NUTM1: variants seen among roughly 807,000 people sequenced by gnomAD.
NUTM1 encodes NUT family member 1.
In NUTM1, 39 loss-of-function variants were observed where a neutral mutation model predicts 88.7. That is an observed-to-expected ratio of 0.44 (90% CI 0.34 to 0.57). The LOEUF (loss-of-function observed/expected upper bound fraction) is 0.57, where lower values mean the gene tolerates loss of function less well. Among genes scored for constraint, NUTM1 ranks in the 20% least tolerant of loss-of-function variants. The pLI is 0.01. For synonymous variants in NUTM1, 494 were observed against 538.0 expected (o/e 0.92, Z 1.13); for missense variants, 1,350 against 1,414.5 (o/e 0.95, Z 0.73).
In NUTM1 at chr15:34,348,431, C is replaced by G. The variant is rs1019565523; in HGVS notation, c.563C>G (p.Pro188Arg). 6.2e-7 allele frequency: 1 copy of G among 1,614,038 alleles called. No homozygotes were observed. The highest frequency in any genetic ancestry group is 1.3e-5 in the African/African-American group (1 of 74,936). Residue 188 changes from proline (P) to arginine (R), a missense_variant, in exon 3 of 8, where the codon CCT becomes CGT. By Grantham distance (103) the Pro-to-Arg change is moderately radical. This residue lies in a region of NUTM1 where 399 missense variants were observed against 397.9 expected (regional missense o/e 1.00). Coordinates refer to ENST00000537011, the MANE Select transcript of NUTM1 (RefSeq NM_001284292.2). ...CAGGAGGGTCCTCCAGGCCTTCCGCCTCAGCCTCCACCACCAGTTGCTCAA... is the reference window on the plus strand; with the variant it reads ...CAGGAGGGTCCTCCAGGCCTTCCGCGTCAGCCTCCACCACCAGTTGCTCAA... ...VSQEGPPGLP[P>R]QPPPPVAQLV... is the part of the protein sequence containing the mutation.
chr15:34,345,697 A>G (rs1016569638), intron 1 of NUTM1, among the ~76,000 whole-genome samples: 2 of 152,212 alleles, frequency 1.3e-5, no homozygotes, highest in African/African-American at 4.8e-5. Context: ...TGGGAATCTG[A>G]GAAAAAGTTT....
chr15:34,353,060 C>T (rs112596312), intron 4 of NUTM1, among the ~76,000 whole-genome samples: 6,187 of 151,228 alleles, frequency 0.041, 312 homozygotes, highest in African/African-American at 0.12. Flanking sequence ...TAATTTTGTG[C>T]ATTTTTAGTA....
In NUTM1 at chr15:34,343,500, T is replaced by A; in HGVS notation, c.-197T>A. On this transcript the variant is annotated 5_prime_UTR_variant, in exon 1 of 8. Coordinates refer to ENST00000537011, the MANE Select transcript of NUTM1 (RefSeq NM_001284292.2). ...TTTACCCTAGGGAAGAAAGAAGAGG[T>A]TTTCTTCCCTCCCCTCTTTTACATC... 7.8e-7 allele frequency: 1 copy of A among 1,287,830 alleles called. No homozygotes were observed. The highest frequency in any genetic ancestry group is 1.1e-6 in the Non-Finnish European group (1 of 945,322). The allele number at this position is 1,287,830 out of a possible 1,614,324, so 79.8% of individuals were successfully genotyped here.
rs1369824488 is a variant in NUTM1, at chr15:34,343,587, C to G, written c.-110C>G. On this transcript the variant is annotated 5_prime_UTR_variant, in exon 1 of 8. Coordinates refer to ENST00000537011, the MANE Select transcript of NUTM1 (RefSeq NM_001284292.2). ...AGAATGCATGTTGAGTATCAATATT[C>G]CGTAAAGCGAAAGAGCGTAAAGTTA... 4 of 1,534,604 alleles carry G rather than the reference C, an allele frequency of 2.6e-6. No individual in the cohort carries two copies. In the Admixed American group the frequency reaches 5.9e-5, roughly 23 times the overall value.
chr15:34,350,060 G>A (rs868266592), intron 3 of NUTM1, among the ~76,000 whole-genome samples: 9 of 152,150 alleles, frequency 5.9e-5, no homozygotes, highest in Admixed American at 2.0e-4. Context: ...TTCCCCAAGC[G>A]ATTCTGATGC....
At position 34,348,667 on chromosome 15, in the gene NUTM1, T is replaced by C; in HGVS notation, c.799T>C (p.Cys267Arg). The C allele has an allele frequency of 1.3e-6, 2 of 1,599,032 alleles. No individual in the cohort carries two copies. The highest frequency in any genetic ancestry group is 2.2e-5 in the East Asian group (1 of 44,866). ...GAGTCCTGACACAGAAGCTCTTTCCTGTTTTCTTATGTAAGTGGGGAGACC... is the reference window on the plus strand; with the variant it reads ...GAGTCCTGACACAGAAGCTCTTTCCCGTTTTCTTATGTAAGTGGGGAGACC... The part of the protein sequence containing the change: ...SQSPDTEALS[C>R]FLIPVLRSLA... The change falls in exon 3 of 8, where the codon TGT (cysteine) becomes CGT (arginine). Residue 267 changes from cysteine (C) to arginine (R), a missense_variant. This residue lies in a region of NUTM1 where 399 missense variants were observed against 397.9 expected (regional missense o/e 1.00). Transcript: ENST00000537011.
At chr15:34,349,882 G>A (rs74010077) in intron 3 of NUTM1, among the ~76,000 whole-genome samples, 1 of 152,202 alleles carries the variant, frequency 6.6e-6, no homozygotes, top group African/African-American at 2.4e-5. Context: ...GGGCTCTCAA[G>A]GTTTGCATGG....
At chr15:34,350,041 A>C (rs1040242704) in intron 3 of NUTM1, among the ~76,000 whole-genome samples, 2 of 152,208 alleles carry the variant, frequency 1.3e-5, no homozygotes, top group Non-Finnish European at 2.9e-5. Context: ...CAAGTTGATT[A>C]TAACGAGCTT....
intron 4 of NUTM1, among the ~76,000 whole-genome samples, chr15:34,352,464 A>C (rs111331130): frequency 6.6e-6 from 1 of 152,068 alleles, no homozygotes; most frequent in Non-Finnish European, 1.5e-5. Flanking sequence ...TATATTGAGC[A>C]CTGCTGTGTA....
chr15:34,348,394 G>A lies in NUTM1; in HGVS notation c.526G>A (p.Val176Ile), dbSNP rs755615041. Residue 176 changes from valine to isoleucine, a missense_variant, in exon 3 of 8, where the codon GTT (valine) becomes ATT (isoleucine). Val to Ile is a conservative substitution (Grantham distance 29). This residue lies in a region of NUTM1 where 399 missense variants were observed against 397.9 expected (regional missense o/e 1.00). Transcript: ENST00000537011. ...GAAGACCATTCTGCCCTCTAAGGCT[G>A]TTGGTGTCAGCCAGGAGGGTCCTCC... ...NVKTILPSKA[V>I]GVSQEGPPGL... 1 of 1,614,246 alleles carries A rather than the reference G, an allele frequency of 6.2e-7. No individual in the cohort carries two copies. The highest frequency in any genetic ancestry group is 1.7e-5 in the Admixed American group (1 of 60,032).
At chr15:34,346,815 G>A (rs868736091) in intron 2 of NUTM1, among the ~76,000 whole-genome samples, 3 of 133,748 alleles carry the variant, frequency 2.2e-5, no homozygotes, top group Non-Finnish European at 3.2e-5. Flanking sequence ...CCCAGGAGGC[G>A]GAGGTTGCAG....
intron 3 of NUTM1, 140 bp downstream of exon 3, chr15:34,348,817 CA>C (rs1890657472): frequency 1.6e-6 from 1 of 618,386 alleles, no homozygotes; most frequent in South Asian, 2.0e-5. Flanking sequence ...GAATGAAAAA[CA>C]TATTAATAAT....
Position 34,348,310 on chromosome 15 carries a change from G to A in NUTM1, c.442G>A (p.Gly148Ser). ...TQTALNSTAPGTPCGGLEGPA... is the reference protein window; with the variant it reads ...TQTALNSTAPSTPCGGLEGPA... ...GACTGCCCTCAATTCGACTGCCCCG[G>A]GCACTCCCTGTGGAGGCCTTGAGGG... is the stretch of plus-strand genomic sequence containing the variant. The change falls in exon 3 of 8, where the codon GGC (glycine) becomes AGC (serine). Residue 148 changes from glycine to serine, a missense_variant. By Grantham distance (56) the Gly-to-Ser change is moderately conservative (BLOSUM62 0). Coordinates refer to ENST00000537011, the MANE Select transcript of NUTM1 (RefSeq NM_001284292.2). The A allele has an allele frequency of 6.2e-7, 1 of 1,614,242 alleles. No homozygotes were observed. The highest frequency in any genetic ancestry group is 8.5e-7 in the Non-Finnish European group (1 of 1,180,036).
At position 34,357,477 on chromosome 15, in the gene NUTM1, C is replaced by T. The variant is rs750333499; in HGVS notation, c.3469C>T (p.Arg1157Cys). The T allele has an allele frequency of 1.9e-5, 31 of 1,612,254 alleles. No homozygotes were observed. The East Asian group carries it at 2.5e-4, about 13-fold the overall frequency. Residue 1157 changes from arginine to cysteine, a missense_variant, in exon 8 of 8, where the codon CGT (arginine) becomes TGT (cysteine). Around this residue, in one of 5 missense-constraint regions of NUTM1, gnomAD observed 730 missense variants for 728.8 expected, o/e 1.00. Transcript: ENST00000537011. ...TGTCACGGGCAGAAGGAAGAAACGA[C>T]GTCGTAGCCAGTAGGGAGCAGCGGG... ...SFVTGRRKKR[R>C]RSQ
chr15:34,349,145 G>T (rs115900756), intron 3 of NUTM1, among the ~76,000 whole-genome samples: 120 of 152,306 alleles, frequency 7.9e-4, no homozygotes, highest in African/African-American at 2.7e-3. Context: ...AAAGGACTTT[G>T]TGTGTGCTGC....
chr15:34,357,364 G>C lies in NUTM1; in HGVS notation c.3356G>C (p.Gly1119Ala). The change falls in exon 8 of 8, where the codon GGA (glycine) becomes GCA (alanine). Residue 1119 changes from glycine (G) to alanine (A), a missense_variant. Physicochemically the swap from Gly to Ala is moderately conservative, Grantham distance 60. Coordinates refer to ENST00000537011, the MANE Select transcript of NUTM1 (RefSeq NM_001284292.2). ...PAPTEKTPHS[G>A]AQLGVPREKP... ...CCTACTGAAAAGACACCCCACTCAG[G>C]AGCTCAACTTGGGGTCCCCAGGGAG... 6.2e-7 allele frequency: 1 copy of C among 1,614,208 alleles called. No homozygotes were observed. Among genetic ancestry groups the C allele is most frequent in the Non-Finnish European group, 8.5e-7 (1 of 1,180,044 alleles).
chr15:34,355,796 A>G lies in NUTM1; in HGVS notation c.1788A>G (p.Glu596=). The part of the protein sequence containing the change: ...PSPSSWDLQP[E]LAAPQGTPGP... Reference sequence around the variant, plus strand: ...CCAGCAGCTGGGACCTGCAGCCAGAACTTGCAGCTCCACAGGGAACTCCGG... The same window carrying G: ...CCAGCAGCTGGGACCTGCAGCCAGAGCTTGCAGCTCCACAGGGAACTCCGG... Residue 596 remains glutamate, a synonymous_variant, in exon 8 of 8, where the codon GAA becomes GAG. Transcript: ENST00000537011. The surrounding 1 kb of genome is among the most constrained non-coding windows in gnomAD (Gnocchi z 4.3). The G allele has an allele frequency of 2.5e-6, 4 of 1,614,198 alleles. No individual in the cohort carries two copies. The highest frequency in any genetic ancestry group is 1.7e-4 in the Middle Eastern group (1 of 6,060).
At position 34,356,772 on chromosome 15, in the gene NUTM1, CT is replaced by C; in HGVS notation, c.2765del (p.Leu922ArgfsTer5). Reference protein sequence around the residue: ...AGSRGNSFSPLLETIEPVNIL... With the variant: ...AGSRGNSFSPXLETIEPVNIL... ...GAGCAGAGGCAATTCCTTTTCTCCT[CT>C]GTTGGAAACCATAGAACCTGTCAAC... On this transcript the variant is annotated frameshift_variant, in exon 8 of 8. Transcript: ENST00000537011. LOFTEE classifies it high-confidence loss of function. The C allele has an allele frequency of 6.2e-7, 1 of 1,612,322 alleles. No homozygotes were observed. The highest frequency in any genetic ancestry group is 8.5e-7 in the Non-Finnish European group (1 of 1,179,520).
chr15:34,354,836 T>C (rs986594573), intron 6 of NUTM1, 104 bp downstream of exon 6: 3 of 1,209,852 alleles, frequency 2.5e-6, no homozygotes, highest in African/African-American at 1.5e-5. Context: ...TTAGGTTTTA[T>C]TCTATAACTG....
Sources: gnomAD v4.1 joint callset for allele counts (sites outside exome capture counted in the v4.1 genomes callset) on GRCh38, gnomAD v4.1.1 for gene constraint, gnomAD v4.1.1 regional missense constraint, Gnocchi (gnomAD v3.1) non-coding constraint, MANE v1.5 for transcripts, NCBI Gene and HGNC (gene_info 2026-07-23, HGNC 2026-07-21) for gene names.